Variants in SYK observed in about 807,000 individuals in gnomAD.
SYK encodes the protein spleen associated tyrosine kinase, also known as tyrosine-protein kinase SYK.
Under a neutral mutation model 77.8 loss-of-function variants are expected in SYK, and 16 were observed. The observed-to-expected ratio is 0.21, with a 90% CI of 0.14 to 0.31. The LOEUF (loss-of-function observed/expected upper bound fraction) is 0.31. SYK is among the 10% of genes least tolerant of loss of function. SYK has a pLI of 1.00. For synonymous variants in SYK, 312 were observed against 308.7 expected (o/e 1.01, Z -0.11); for missense variants, 529 against 814.4 (o/e 0.65, Z 4.26).
chr9:90,895,309 G>A lies in SYK; in HGVS notation c.1836-219G>A, dbSNP rs988738649. On this transcript the variant is annotated intron_variant, in intron 13 of 13. Transcript: ENST00000375754. This position sits in a 1 kb window ranked among gnomAD's most constrained non-coding sequence, Gnocchi z 4.4. The stretch of plus-strand genomic sequence containing the variant: ...CACCGGGAGGTCTTGTTAAAGTGCA[G>A]ATATGGGTTATTTAGGTCTACAGTA... Among the ~76,000 whole-genome samples the A allele has an allele frequency of 3.3e-5, 5 of 152,184 alleles. No homozygotes were observed. The highest frequency in any genetic ancestry group is 4.8e-5 in the African/African-American group (2 of 41,456).
At chr9:90,826,513 G>T (rs559759038) in intron 1 of SYK, among the ~76,000 whole-genome samples, 1 of 152,230 alleles carries the variant, frequency 6.6e-6, no homozygotes, top group African/African-American at 2.4e-5. Context: ...CAAGTTTGGG[G>T]TGCAGGTGCA....
At chr9:90,839,939 A>T (rs922141734) in intron 1 of SYK, among the ~76,000 whole-genome samples, 5 of 152,140 alleles carry the variant, frequency 3.3e-5, no homozygotes, top group Non-Finnish European at 7.4e-5. Flanking sequence ...TGGACTGGGC[A>T]TGTTGGAATA....
At chr9:90,887,510 A>G (rs1828624443) in intron 11 of SYK, among the ~76,000 whole-genome samples, 1 of 150,276 alleles carries the variant, frequency 6.7e-6, no homozygotes, top group Admixed American at 6.6e-5. Flanking sequence ...GGTTCAAGCA[A>G]TTCTCCTGCC....
At chr9:90,840,948 A>G (rs1009112195) in intron 1 of SYK, among the ~76,000 whole-genome samples, 3 of 152,202 alleles carry the variant, frequency 2.0e-5, no homozygotes, top group Admixed American at 1.3e-4. Context: ...AGCCCCTTGT[A>G]GGATAGTGCA....
intron 11 of SYK, among the ~76,000 whole-genome samples, chr9:90,886,942 A>G (rs1335005489): frequency 1.3e-5 from 2 of 152,180 alleles, no homozygotes; most frequent in Non-Finnish European, 2.9e-5. Context: ...ATACACCTCT[A>G]GAGGTGTTCA....
In SYK at chr9:90,847,569, G is replaced by A. The variant is rs12345579; in HGVS notation, c.578+1975G>A. Among the ~76,000 whole-genome samples, 955 of 152,356 alleles carry A rather than the reference G, an allele frequency of 6.3e-3. 7 individuals carry two copies. Among genetic ancestry groups the A allele is most frequent in the African/African-American group, 0.022 (913 of 41,588 alleles). On this transcript the variant is annotated intron_variant, in intron 3 of 13. Coordinates refer to ENST00000375754, the MANE Select transcript of SYK (RefSeq NM_003177.7). Reference sequence around the variant, plus strand: ...TTCCCGTGCTCCCTCCACACCTGCAGGGCTCACCTGTGGACTGATGGTGCA... The same window carrying A: ...TTCCCGTGCTCCCTCCACACCTGCAAGGCTCACCTGTGGACTGATGGTGCA...
chr9:90,803,727 G>T (rs1430861318), intron 1 of SYK, among the ~76,000 whole-genome samples: 1 of 151,984 alleles, frequency 6.6e-6, no homozygotes, highest in Non-Finnish European at 1.5e-5. Context: ...ACGTATTTTG[G>T]AATTCAAGCT....
At chr9:90,858,705 G>A (rs901919880) in intron 3 of SYK, among the ~76,000 whole-genome samples, 3 of 152,248 alleles carry the variant, frequency 2.0e-5, no homozygotes, top group African/African-American at 7.2e-5. Context: ...TCTGCCTGCA[G>A]CCAACAGATA....
intron 1 of SYK, among the ~76,000 whole-genome samples, chr9:90,806,619 C>T (rs764053799): frequency 2.0e-5 from 3 of 152,180 alleles, no homozygotes; most frequent in Admixed American, 6.5e-5. Context: ...CATTAATATG[C>T]CTCTTGTTAA....
At chr9:90,819,669 A>C (rs1825437144) in intron 1 of SYK, among the ~76,000 whole-genome samples, 1 of 151,994 alleles carries the variant, frequency 6.6e-6, no homozygotes, top group African/African-American at 2.4e-5. Flanking sequence ...AACATGTGGG[A>C]ATTCTGGGAG....
intron 1 of SYK, among the ~76,000 whole-genome samples, chr9:90,843,140 G>A (rs912784705): frequency 6.6e-6 from 1 of 152,156 alleles, no homozygotes; most frequent in Non-Finnish European, 1.5e-5. Flanking sequence ...CTGGAGAAGC[G>A]GGGAGAAGAC....
intron 3 of SYK, among the ~76,000 whole-genome samples, chr9:90,859,630 C>G (rs1466866884): frequency 6.6e-6 from 1 of 152,162 alleles, no homozygotes; most frequent in Non-Finnish European, 1.5e-5. Flanking sequence ...TTCACGAGGT[C>G]TGTGAATGAA....
At chr9:90,830,133 C>T (rs1825825882) in intron 1 of SYK, among the ~76,000 whole-genome samples, 1 of 152,260 alleles carries the variant, frequency 6.6e-6, no homozygotes, top group Non-Finnish European at 1.5e-5. Flanking sequence ...ACTAAGAAGT[C>T]CCCCATGTAT....
chr9:90,852,711 C>T (rs1185284628), intron 3 of SYK, among the ~76,000 whole-genome samples: 1 of 152,114 alleles, frequency 6.6e-6, no homozygotes, highest in African/African-American at 2.4e-5. Flanking sequence ...AGTAAGTCAC[C>T]AATGCTATTT....
At chr9:90,828,121 G>A (rs290974) in intron 1 of SYK, among the ~76,000 whole-genome samples, 16,657 of 151,770 alleles carry the variant, frequency 0.11, 1,311 homozygotes, top group East Asian at 0.44. Flanking sequence ...AGGTAGTGAT[G>A]GAAAAGTAAA....
intron 3 of SYK, among the ~76,000 whole-genome samples, chr9:90,851,715 A>G (rs1393291337): frequency 6.6e-6 from 1 of 152,186 alleles, no homozygotes; most frequent in Non-Finnish European, 1.5e-5. Flanking sequence ...TGCTATTTTG[A>G]GAAGCTAGTC....
Position 90,889,296 on chromosome 9 carries a change from C to T in SYK, c.1835+669C>T, listed in dbSNP as rs1258854164. ...TGCCAGGCTCAGCAGCCTGCTTGTG[C>T]GTGCATAGCACGGTGACCCCAAGCC... is the stretch of plus-strand genomic sequence containing the variant. On this transcript the variant is annotated intron_variant, in intron 13 of 13. Transcript: ENST00000375754. 3.3e-5 allele frequency among the ~76,000 whole-genome samples: 5 copies of T among 152,210 alleles called. No homozygotes were observed. The South Asian group carries it at 8.3e-4, about 25-fold the overall frequency.
At chr9:90,879,739 G>T (rs1828076350) in intron 11 of SYK, among the ~76,000 whole-genome samples, 1 of 152,198 alleles carries the variant, frequency 6.6e-6, no homozygotes, top group Non-Finnish European at 1.5e-5. Flanking sequence ...CCTTGGTTTG[G>T]TGAGGCAGAG....
At chr9:90,850,131 C>G (rs934555370) in intron 3 of SYK, among the ~76,000 whole-genome samples, 2 of 152,224 alleles carry the variant, frequency 1.3e-5, no homozygotes, top group African/African-American at 4.8e-5. Context: ...TTTATTTCCA[C>G]TCTGTGGCTA....
Sources: gnomAD v4.1 joint callset for allele counts (sites outside exome capture counted in the v4.1 genomes callset) on GRCh38, gnomAD v4.1.1 for gene constraint, Gnocchi (gnomAD v3.1) non-coding constraint, MANE v1.5 for transcripts, NCBI Gene and HGNC (gene_info 2026-07-23, HGNC 2026-07-21) for gene names.